CTNNA2: variants seen among roughly 807,000 people sequenced by gnomAD.
CTNNA2 encodes the protein catenin alpha 2.
In CTNNA2, 42 loss-of-function variants were observed where a neutral mutation model predicts 101.0. The observed-to-expected ratio is 0.42, with a 90% CI of 0.32 to 0.54. The LOEUF is 0.54. CTNNA2 is among the 20% of genes least tolerant of loss of function. The probability of loss-of-function intolerance (pLI) is 0.14; values close to 1 mark genes in which losing one functional copy is unlikely to be tolerated. For missense variants in CTNNA2, 871 were observed against 1,223.1 expected (o/e 0.71, Z 4.29); for synonymous variants, 450 against 456.4 (o/e 0.99, Z 0.18).
At chr2:80,382,363 A>T (rs1676591590) in intron 7 of CTNNA2, among the ~76,000 whole-genome samples, 1 of 86,824 alleles carries the variant, frequency 1.2e-5, no homozygotes, top group African/African-American at 1.8e-4. Context: ...AATTGGATAA[A>T]AAAAAAAAAA....
At chr2:79,486,164 G>A (rs1469989503) in intron 4 of CTNNA2, among the ~76,000 whole-genome samples, 1 of 151,974 alleles carries the variant, frequency 6.6e-6, no homozygotes, top group Non-Finnish European at 1.5e-5. Flanking sequence ...ATGTTGGTGT[G>A]CTGCACCCAT....
chr2:80,619,155 G>C lies in CTNNA2; in HGVS notation c.2501G>C (p.Ser834Thr). Residue 834 changes from serine (S) to threonine (T), a missense_variant, in exon 18 of 19, where the codon AGT becomes ACT. Physicochemically the swap from Ser to Thr is moderately conservative, Grantham distance 58 (BLOSUM62 1). Around this residue, in one of 5 missense-constraint regions of CTNNA2, gnomAD observed 65 missense variants for 53.3 expected, o/e 1.22. Coordinates refer to ENST00000402739, the MANE Select transcript of CTNNA2 (RefSeq NM_001282597.3). ...DCDVIDGGRA[S>T]QLSTHLPTCA... ...GATGTCATAGATGGGGGCAGGGCTA[G>C]TCAACTTTCTACCCACCTCCCAACC... is the stretch of plus-strand genomic sequence containing the variant. 1 of 1,571,080 alleles carries C rather than the reference G, an allele frequency of 6.4e-7. No homozygotes were observed. Among genetic ancestry groups the C allele is most frequent in the Non-Finnish European group, 8.6e-7 (1 of 1,157,368 alleles).
At chr2:79,474,418 G>A (rs1359479793) in intron 4 of CTNNA2, among the ~76,000 whole-genome samples, 2 of 152,028 alleles carry the variant, frequency 1.3e-5, no homozygotes, top group Admixed American at 1.3e-4. Context: ...CATATGACAT[G>A]GTTTCATTTA....
intron 7 of CTNNA2, among the ~76,000 whole-genome samples, chr2:80,310,529 C>T (rs1677467374): frequency 6.6e-6 from 1 of 152,166 alleles, no homozygotes; most frequent in African/African-American, 2.4e-5. Context: ...CCCCTTCACA[C>T]ATACAATTTT....
chr2:79,853,404 C>T (rs548911176), intron 3 of CTNNA2, among the ~76,000 whole-genome samples: 4 of 152,246 alleles, frequency 2.6e-5, no homozygotes, highest in Non-Finnish European at 4.4e-5. Context: ...AGATCATCAA[C>T]AATTCTGAGG....
chr2:79,667,489 T>C (rs958708758), intron 2 of CTNNA2, among the ~76,000 whole-genome samples: 1 of 152,172 alleles, frequency 6.6e-6, no homozygotes, highest in Non-Finnish European at 1.5e-5. Flanking sequence ...TAAATGGTCC[T>C]CCAGTTTAAA....
At chr2:80,155,697 G>A (rs559933700) in intron 7 of CTNNA2, among the ~76,000 whole-genome samples, 1 of 152,250 alleles carries the variant, frequency 6.6e-6, no homozygotes, top group East Asian at 1.9e-4. Flanking sequence ...CCTTCCTCTT[G>A]TTCCTTTGTA....
At chr2:79,231,952 T>C (rs1385943731) in intron 2 of CTNNA2, among the ~76,000 whole-genome samples, 5 of 152,168 alleles carry the variant, frequency 3.3e-5, no homozygotes. Context: ...TCCAGGAGCC[T>C]TTGGGTGGTA....
intron 2 of CTNNA2, among the ~76,000 whole-genome samples, chr2:79,205,740 G>T (rs1251530226): frequency 6.6e-6 from 1 of 152,160 alleles, no homozygotes; most frequent in Non-Finnish European, 1.5e-5. Flanking sequence ...CTTCTAGTGG[G>T]AAAGGTCAAT....
intron 2 of CTNNA2, among the ~76,000 whole-genome samples, chr2:79,310,391 G>T (rs1676339803): frequency 6.6e-6 from 1 of 152,088 alleles, no homozygotes; most frequent in African/African-American, 2.4e-5. Context: ...TTTTTAAATT[G>T]AACCTAAGTG....
intron 7 of CTNNA2, among the ~76,000 whole-genome samples, chr2:80,371,806 C>G (rs1280824022): frequency 6.6e-6 from 1 of 152,054 alleles, no homozygotes; most frequent in Non-Finnish European, 1.5e-5. Flanking sequence ...CCAGGACCTT[C>G]TTGGACTTAT....
At chr2:79,892,155 A>C (rs1359577318) in intron 6 of CTNNA2, among the ~76,000 whole-genome samples, 1 of 152,128 alleles carries the variant, frequency 6.6e-6, no homozygotes, top group East Asian at 1.9e-4. Flanking sequence ...TTTTACATCC[A>C]TATATATACA....
At chr2:80,487,137 C>T (rs575179478) in intron 9 of CTNNA2, among the ~76,000 whole-genome samples, 9 of 151,894 alleles carry the variant, frequency 5.9e-5, no homozygotes, top group South Asian at 2.1e-4. Flanking sequence ...AAAAATTAGC[C>T]GGGCGTGGTG....
intron 4 of CTNNA2, among the ~76,000 whole-genome samples, chr2:79,414,679 A>G (rs1256176076): frequency 6.6e-6 from 1 of 152,110 alleles, no homozygotes; most frequent in Non-Finnish European, 1.5e-5. Context: ...GCCAGAATCC[A>G]CAAGGTCTTC....
intron 4 of CTNNA2, among the ~76,000 whole-genome samples, chr2:79,415,518 T>A (rs1276012379): frequency 6.6e-6 from 1 of 152,112 alleles, no homozygotes; most frequent in African/African-American, 2.4e-5. Context: ...AATTCACATC[T>A]CTAGGAAGAT....
At chr2:79,992,112 C>T (rs1458167641) in intron 7 of CTNNA2, among the ~76,000 whole-genome samples, 1 of 152,076 alleles carries the variant, frequency 6.6e-6, no homozygotes, top group African/African-American at 2.4e-5. Context: ...GCAGACTTTC[C>T]TAAGATAATA....
chr2:79,510,848 AAAC>A (rs1671519503), upstream of CTNNA2, among the ~76,000 whole-genome samples: 1 of 152,240 alleles, frequency 6.6e-6, no homozygotes, highest in Admixed American at 6.5e-5. Flanking sequence ...AGTCACTACA[AAAC>A]AACAAACAAG....
chr2:79,398,782 C>CA (rs1424516921), intron 4 of CTNNA2, among the ~76,000 whole-genome samples: 2 of 150,472 alleles, frequency 1.3e-5, no homozygotes, highest in African/African-American at 2.4e-5. Context: ...AAAAACCTGT[C>CA]AAAATCAACT....
chr2:79,643,270 A>G (rs1313357572), intron 1 of CTNNA2, among the ~76,000 whole-genome samples: 1 of 152,164 alleles, frequency 6.6e-6, no homozygotes, highest in Non-Finnish European at 1.5e-5. Flanking sequence ...ATGGTCCCCA[A>G]ATAAAGAGGT....
Sources: gnomAD v4.1 joint callset for allele counts (sites outside exome capture counted in the v4.1 genomes callset) on GRCh38, gnomAD v4.1.1 for gene constraint, gnomAD v4.1.1 regional missense constraint, MANE v1.5 for transcripts, NCBI Gene and HGNC (gene_info 2026-07-23, HGNC 2026-07-21) for gene names.